The following STAT5B variants were observed in gnomAD, a reference collection of about 807,000 sequenced individuals.
STAT5B encodes the protein transcription factor STAT5B.
Under a neutral mutation model 107.8 loss-of-function variants are expected in STAT5B, and 21 were observed. The ratio of observed to expected loss-of-function variants is 0.19; its 90% CI spans 0.14 to 0.28. The LOEUF (loss-of-function observed/expected upper bound fraction) is 0.28. Ranked by LOEUF, STAT5B falls within the 10% of genes least tolerant of loss-of-function variation. The pLI, the probability that STAT5B is intolerant of heterozygous loss-of-function variation, is 1.00. For missense variants in STAT5B, 565 were observed against 1,008.2 expected, an observed-to-expected ratio of 0.56 and a Z score of 5.95; for synonymous variants, 325 against 401.7, an observed-to-expected ratio of 0.81 and a Z score of 2.28.
At chr17:42,207,484 T>A in intron 16 of STAT5B, 74 bp downstream of exon 16, 1 of 1,424,674 alleles carries the variant, frequency 7.0e-7, no homozygotes, top group Non-Finnish European at 9.6e-7. Flanking sequence ...CACACGCAGG[T>A]ATGCACACAC....
At chr17:42,207,341 T>C (rs570007434) in intron 16 of STAT5B, among the ~76,000 whole-genome samples, 1 of 152,298 alleles carries the variant, frequency 6.6e-6, no homozygotes, top group Admixed American at 6.5e-5. Flanking sequence ...TTCAATTTGA[T>C]ATTTGGGGTT....
At chr17:42,221,670 T>G (rs1329822118) in intron 5 of STAT5B, among the ~76,000 whole-genome samples, 1 of 152,154 alleles carries the variant, frequency 6.6e-6, no homozygotes, top group Non-Finnish European at 1.5e-5. Flanking sequence ...CTAGGGCCAG[T>G]CTAGGATGGA....
At chr17:42,240,456 G>C (rs1164308398) in intron 1 of STAT5B, among the ~76,000 whole-genome samples, 1 of 152,166 alleles carries the variant, frequency 6.6e-6, no homozygotes. Flanking sequence ...CATAGAGACG[G>C]AAAATAGATT....
chr17:42,263,007 T>TAC (rs2080629638), intron 1 of STAT5B, among the ~76,000 whole-genome samples: 2 of 43,850 alleles, frequency 4.6e-5, no homozygotes, highest in African/African-American at 3.2e-4. Context: ...TATATATATA[T>TAC]ATATATATAA....
chr17:42,217,705 T>TG, intron 9 of STAT5B: 2 of 533,450 alleles, frequency 3.7e-6, no homozygotes, highest in South Asian at 2.0e-5. Flanking sequence ...TTTTTTTTTT[T>TG]GTGACGGAGT....
rs955015561 is a variant in STAT5B, at chr17:42,276,271, G to A, written c.-34C>T. The A allele has an allele frequency of 6.8e-6, 1 of 147,514 alleles. No individual in the cohort carries two copies. The highest frequency in any genetic ancestry group is 2.4e-5 in the African/African-American group (1 of 40,940). 9.1% of individuals were successfully genotyped at this position (147,514 alleles called of 1,614,324 possible). On this transcript the variant is annotated 5_prime_UTR_variant, in exon 1 of 19. Coordinates refer to ENST00000293328, the MANE Select transcript of STAT5B (RefSeq NM_012448.4). The surrounding 1 kb of genome is among the most constrained non-coding windows in gnomAD (Gnocchi z 4.8). ...ACCTCGCTCGGCCCCTCGGGCGCCCGCGGCTGCTCCGGCCCAGCTGTCTGG... is the reference window on the plus strand; with the variant it reads ...ACCTCGCTCGGCCCCTCGGGCGCCCACGGCTGCTCCGGCCCAGCTGTCTGG...
intron 16 of STAT5B, among the ~76,000 whole-genome samples, chr17:42,203,231 G>A (rs555881902): frequency 8.5e-5 from 13 of 152,220 alleles, no homozygotes; most frequent in Non-Finnish European, 1.5e-4. Context: ...ATAAGCCACC[G>A]CACTTGGCCA....
intron 15 of STAT5B, among the ~76,000 whole-genome samples, chr17:42,209,348 C>A (rs1386061799): frequency 6.6e-6 from 1 of 152,186 alleles, no homozygotes; most frequent in East Asian, 1.9e-4. Flanking sequence ...AGCCACCGCA[C>A]CCAGCCAAAA....
chr17:42,209,650 G>A (rs529330795), intron 15 of STAT5B, among the ~76,000 whole-genome samples: 1 of 152,314 alleles, frequency 6.6e-6, no homozygotes, highest in Admixed American at 6.5e-5. Context: ...CAAGGCTGCA[G>A]TGAGCCATGT....
At chr17:42,211,239 GA>G (rs1434528570) in intron 13 of STAT5B, among the ~76,000 whole-genome samples, 23 of 151,734 alleles carry the variant, frequency 1.5e-4, no homozygotes, top group Non-Finnish European at 2.5e-4. Flanking sequence ...GGGCACAGTG[GA>G]CTCACGCCTG....
chr17:42,284,835 A>G, the STAT5B span, among the ~76,000 whole-genome samples: 1 of 152,220 alleles, frequency 6.6e-6, no homozygotes, highest in Non-Finnish European at 1.5e-5. Context: ...CCATCTGTGC[A>G]CTTACTGGCC....
the STAT5B span, among the ~76,000 whole-genome samples, chr17:42,282,386 T>C: frequency 0.1 from 15,379 of 152,160 alleles, 2,571 homozygotes; most frequent in African/African-American, 0.35. Flanking sequence ...TGCAGTGGTG[T>C]GATCTCATCT....
Position 42,217,259 on chromosome 17 carries a change from T to A in STAT5B, c.1281A>T (p.Ser427=), listed in dbSNP as rs1036961150. The A allele has an allele frequency of 3.1e-6, 5 of 1,614,224 alleles. No individual in the cohort carries two copies. In the Admixed American group the frequency reaches 6.7e-5, roughly 22 times the overall value. The change falls in exon 11 of 19, where the codon TCA becomes TCT. Residue 427 remains serine (S), a synonymous_variant. Transcript: ENST00000293328. ...RNMSLKRIKR[S]DRRGAESVTE... ...TCACCGACTCTGCCCCACGACGGTC[T>A]GACCTCTTAATTCGTTTCAGGGACT...
chr17:42,234,205 C>T (rs912069191), intron 1 of STAT5B: 1 of 152,192 alleles, frequency 6.6e-6, no homozygotes, highest in Admixed American at 6.5e-5. Context: ...TGTCTGATCA[C>T]GTAACACTGG....
intron 1 of STAT5B, among the ~76,000 whole-genome samples, chr17:42,274,282 A>C (rs1277638072): frequency 2.1e-4 from 11 of 52,552 alleles, no homozygotes; most frequent in Non-Finnish European, 3.4e-4. Flanking sequence ...TTTGCTTTAC[A>C]AAAAAAAAAA....
At chr17:42,264,540 T>A (rs1410512666) in intron 1 of STAT5B, among the ~76,000 whole-genome samples, 2 of 152,018 alleles carry the variant, frequency 1.3e-5, no homozygotes, top group African/African-American at 4.8e-5. Flanking sequence ...CATGAACTCA[T>A]CATTTTTTAT....
chr17:42,286,126 G>A, the STAT5B span, among the ~76,000 whole-genome samples: 1 of 151,806 alleles, frequency 6.6e-6, no homozygotes, highest in African/African-American at 2.4e-5. Flanking sequence ...CCAGCTACTC[G>A]GGAGGCTGAG....
chr17:42,250,788 G>A (rs1435261183), intron 1 of STAT5B, among the ~76,000 whole-genome samples: 1 of 151,958 alleles, frequency 6.6e-6, no homozygotes, highest in Non-Finnish European at 1.5e-5. Flanking sequence ...GCCAGGCGTG[G>A]TGGCAGGCAC....
At chr17:42,230,173 GT>G (rs961436663) in intron 2 of STAT5B, among the ~76,000 whole-genome samples, 9 of 151,724 alleles carry the variant, frequency 5.9e-5, no homozygotes, top group South Asian at 2.1e-4. Context: ...ATGAAGTTGA[GT>G]TTTTTTTTAA....
Sources: allele counts gnomAD v4.1 joint callset (sites outside exome capture counted in the v4.1 genomes callset), GRCh38; gene constraint gnomAD v4.1.1; non-coding constraint Gnocchi (gnomAD v3.1); transcripts MANE v1.5; gene names NCBI Gene and HGNC (gene_info 2026-07-23, HGNC 2026-07-21).